The following FLI1 variants were observed in gnomAD, a reference collection of about 807,000 sequenced individuals.
FLI1 encodes Fli-1 proto-oncogene, ETS transcription factor.
FLI1 carries 13 observed loss-of-function variants against 53.1 expected under a neutral mutation model. The ratio of observed to expected loss-of-function variants is 0.24; its 90% CI spans 0.16 to 0.39. The LOEUF is 0.39. Among genes scored for constraint, FLI1 ranks in the 10% least tolerant of loss-of-function variants. FLI1 has a pLI of 1.00. For synonymous variants in FLI1, 244 were observed against 236.7 expected (o/e 1.03, Z -0.28); for missense variants, 424 against 600.5 (o/e 0.71, Z 3.07).
chr11:128,790,312 A>AG (rs1491370323), intron 5 of FLI1, among the ~76,000 whole-genome samples: 8 of 149,438 alleles, frequency 5.4e-5, no homozygotes, highest in South Asian at 4.2e-4. Flanking sequence ...AGAGAGAGAG[A>AG]AAGAACGAGG....
chr11:128,714,950 G>T (rs1373394692), intron 1 of FLI1, among the ~76,000 whole-genome samples: 1 of 152,004 alleles, frequency 6.6e-6, no homozygotes, highest in Admixed American at 6.6e-5. Flanking sequence ...CTCGTCATCC[G>T]CCAGCCTCAG....
At chr11:128,755,949 T>G (rs954613797) in intron 1 of FLI1, among the ~76,000 whole-genome samples, 4 of 152,196 alleles carry the variant, frequency 2.6e-5, no homozygotes, top group South Asian at 2.1e-4. Flanking sequence ...ATTATGGCTG[T>G]CTGTCCGCTG....
intron 1 of FLI1, among the ~76,000 whole-genome samples, chr11:128,726,628 C>T (rs938603320): frequency 1.6e-4 from 23 of 140,126 alleles, no homozygotes; most frequent in South Asian, 7.1e-4. Context: ...GATAGTTGGG[C>T]GGTGCCCTCT....
intron 5 of FLI1, among the ~76,000 whole-genome samples, chr11:128,799,040 A>ATTT (rs1360505352): frequency 1.1e-4 from 15 of 131,446 alleles, no homozygotes; most frequent in African/African-American, 2.0e-4. Flanking sequence ...TATTATTATT[A>ATTT]TTATTATTAT....
intron 2 of FLI1, 30 bp downstream of exon 2, chr11:128,758,356 G>A (rs754687449): frequency 3.8e-6 from 6 of 1,590,978 alleles, no homozygotes; most frequent in Non-Finnish European, 5.2e-6. Flanking sequence ...GCAGGATTGG[G>A]GGAAGGCACA....
At chr11:128,692,407 G>A (rs924063416), upstream of FLI1, among the ~76,000 whole-genome samples, 2 of 151,976 alleles carry the variant, frequency 1.3e-5, no homozygotes, top group Non-Finnish European at 1.5e-5. Context: ...AGGAGCGGGG[G>A]GAGTCAGCCC....
chr11:128,813,144 A>G lies in FLI1; in HGVS notation c.*2156A>G. ...AAGATGTGTAAAGCACATATTCTCA[A>G]CATATGCACATTGATTTATAAATCA... On this transcript the variant is annotated 3_prime_UTR_variant, in exon 9 of 9. Transcript: ENST00000527786. 1 of 161,462 alleles carries G rather than the reference A, an allele frequency of 6.2e-6. No homozygotes were observed. Among genetic ancestry groups the G allele is most frequent in the Non-Finnish European group, 1.4e-5 (1 of 73,478 alleles). 10.0% of individuals were successfully genotyped at this position (161,462 alleles called of 1,614,324 possible).
At chr11:128,686,715 G>C in intron 1 of FLI1, 1 of 338,844 alleles carries the variant, frequency 3.0e-6, no homozygotes, top group African/African-American at 2.2e-5. Flanking sequence ...AGACATGGCA[G>C]CGTCTTTAAA....
rs1477645429 is a variant in FLI1 at position 128,807,257 on chromosome 11, G to A, written c.781+18G>A. The stretch of plus-strand genomic sequence containing the variant: ...CCAGCCAGGTACCTGCCCAGGATAT[G>A]TAATCTCTCCTTTGCTTCCTGCACA... On this transcript the variant is annotated intron_variant, in intron 7 of 8. Transcript: ENST00000527786. 1.3e-6 allele frequency: 2 copies of A among 1,583,814 alleles called. No individual in the cohort carries two copies. Among genetic ancestry groups the A allele is most frequent in the South Asian group, 1.2e-5 (1 of 86,446 alleles).
intron 5 of FLI1, among the ~76,000 whole-genome samples, chr11:128,789,601 C>G (rs1425750482): frequency 6.6e-6 from 1 of 152,174 alleles, no homozygotes; most frequent in African/African-American, 2.4e-5. Context: ...CCGAGGAGGG[C>G]ATCTTTGTCC....
chr11:128,776,394 C>T (rs1941727739), intron 4 of FLI1, among the ~76,000 whole-genome samples: 1 of 152,162 alleles, frequency 6.6e-6, no homozygotes, highest in African/African-American at 2.4e-5. Flanking sequence ...TTACACCTGT[C>T]AATCCCAGCA....
At chr11:128,772,625 C>G (rs1298765247) in intron 3 of FLI1, among the ~76,000 whole-genome samples, 157 bp from the exon 4 acceptor site, 1 of 152,112 alleles carries the variant, frequency 6.6e-6, no homozygotes, top group Admixed American at 6.5e-5. Flanking sequence ...TGCCATGGAG[C>G]CTGATGAGTG....
intron 5 of FLI1, among the ~76,000 whole-genome samples, chr11:128,789,577 G>A (rs572447940): frequency 3.3e-5 from 5 of 152,238 alleles, no homozygotes; most frequent in East Asian, 1.9e-4. Flanking sequence ...TTATTTCTCC[G>A]GGCGAAGAGT....
At position 128,800,396 on chromosome 11, in the gene FLI1, G is replaced by A. The variant is rs183873821; in HGVS notation, c.656-4970G>A. On this transcript the variant is annotated intron_variant, in intron 5 of 8. Transcript: ENST00000527786. ...AGAGAGGCTTTTGTGGGCTGATGTCGCTGTGTTGCTGGCCTCTGGTCAGGT... is the reference window on the plus strand; with the variant it reads ...AGAGAGGCTTTTGTGGGCTGATGTCACTGTGTTGCTGGCCTCTGGTCAGGT... Among the ~76,000 whole-genome samples, 282 of 152,286 alleles carry A rather than the reference G, an allele frequency of 1.9e-3. 4 individuals are homozygous for A. The highest frequency in any genetic ancestry group is 5.8e-4 in the East Asian group (3 of 5,182).
At chr11:128,686,328 C>T (rs1282389259), upstream of FLI1, 3 of 456,098 alleles carry the variant, frequency 6.6e-6, no homozygotes, top group Non-Finnish European at 1.3e-5. Flanking sequence ...CTGCCCAGGC[C>T]CTGGGGGAGG....
At position 128,772,871 on chromosome 11, in the gene FLI1, T is replaced by C. The variant is rs768467692; in HGVS notation, c.475T>C (p.Phe159Leu). The change falls in exon 4 of 9, where the codon TTC (phenylalanine) becomes CTC (leucine). Residue 159 changes from phenylalanine to leucine, a missense_variant. Around this residue, in one of 5 missense-constraint regions of FLI1, gnomAD observed 114 missense variants for 117.9 expected, o/e 0.97. Coordinates refer to ENST00000527786, the MANE Select transcript of FLI1 (RefSeq NM_002017.5). ...CTTGATGGAGATCGACACATCCTTTTTCCAGAACATGGATGGCAAGGAACT... is the reference window on the plus strand; with the variant it reads ...CTTGATGGAGATCGACACATCCTTTCTCCAGAACATGGATGGCAAGGAACT... ...YSLMEIDTSF[F>L]QNMDGKELCK... The C allele has an allele frequency of 1.2e-6, 2 of 1,613,996 alleles. No homozygotes were observed. Among genetic ancestry groups the C allele is most frequent in the East Asian group, 4.5e-5 (2 of 44,892 alleles).
intron 1 of FLI1, among the ~76,000 whole-genome samples, chr11:128,757,596 C>T (rs1406263493): frequency 6.6e-6 from 1 of 152,220 alleles, no homozygotes; most frequent in Non-Finnish European, 1.5e-5. Context: ...CAGCCATGGG[C>T]ACCACCCTTC....
chr11:128,778,363 C>G (rs1182768223), intron 4 of FLI1, among the ~76,000 whole-genome samples: 8 of 152,220 alleles, frequency 5.3e-5, no homozygotes, highest in Admixed American at 5.2e-4. Context: ...CTCTCCACCC[C>G]ACAACCGCTT....
chr11:128,756,233 A>T (rs1381682906), intron 1 of FLI1, among the ~76,000 whole-genome samples: 1 of 152,162 alleles, frequency 6.6e-6, no homozygotes, highest in Non-Finnish European at 1.5e-5. Context: ...AGTTCTGGAG[A>T]CTGGAAGTCC....
Sources: gnomAD v4.1 joint callset for allele counts (sites outside exome capture counted in the v4.1 genomes callset) on GRCh38, gnomAD v4.1.1 for gene constraint, gnomAD v4.1.1 regional missense constraint, MANE v1.5 for transcripts, NCBI Gene and HGNC (gene_info 2026-07-23, HGNC 2026-07-21) for gene names.